BICDL1: variants seen among roughly 807,000 people sequenced by gnomAD.
The protein encoded by BICDL1 is BICD family-like cargo adapter 1.
Under a neutral mutation model 76.8 loss-of-function variants are expected in BICDL1, and 20 were observed. That is an observed-to-expected ratio of 0.26 (90% confidence interval 0.18 to 0.38). BICDL1 has a LOEUF of 0.38. Among genes scored for constraint, BICDL1 ranks in the 10% least tolerant of loss-of-function variants. The pLI, the probability that BICDL1 is intolerant of heterozygous loss-of-function variation, is 1.00. For missense variants in BICDL1, 700 were observed against 798.6 expected (o/e 0.88, Z 1.49); for synonymous variants, 383 against 337.1 (o/e 1.14, Z -1.49).
Position 120,058,054 on chromosome 12 carries a change from C to T in BICDL1, c.646-3656C>T, listed in dbSNP as rs77000344. ...TTCACCGTGTTAGCCAGGATGGTCT[C>T]GATCTCCTGACCTCGCGATCCACCC... is the stretch of plus-strand genomic sequence containing the variant. On this transcript the variant is annotated intron_variant, in intron 2 of 9. Coordinates refer to ENST00000548673, the MANE Select transcript of BICDL1 (RefSeq NM_001367886.1). Among the ~76,000 whole-genome samples, 1,477 of 151,808 alleles carry T rather than the reference C, an allele frequency of 9.7e-3. 22 individuals are homozygous for T. Among genetic ancestry groups the T allele is most frequent in the East Asian group, 0.044 (226 of 5,174 alleles).
chr12:120,065,226 CTG>C (rs1431179640), intron 4 of BICDL1, among the ~76,000 whole-genome samples: 1 of 152,210 alleles, frequency 6.6e-6, no homozygotes, highest in African/African-American at 2.4e-5. Context: ...CAGAGGGAGC[CTG>C]TGACTCTCTA....
chr12:120,027,832 C>A (rs779419457), intron 2 of BICDL1, among the ~76,000 whole-genome samples: 1 of 152,194 alleles, frequency 6.6e-6, no homozygotes, highest in Non-Finnish European at 1.5e-5. Flanking sequence ...AGGCTAACAT[C>A]ACTTAACACC....
At chr12:120,080,695 G>T in intron 7 of BICDL1, 192 bp from the exon 8 acceptor site, 1 of 492,146 alleles carries the variant, frequency 2.0e-6, no homozygotes, top group Non-Finnish European at 3.6e-6. Context: ...CTCAAGCCTA[G>T]CATGTGATGT....
At chr12:120,029,766 TG>T (rs11300409) in intron 2 of BICDL1, among the ~76,000 whole-genome samples, 33,176 of 151,920 alleles carry the variant, frequency 0.22, 3,898 homozygotes, top group East Asian at 0.4. Flanking sequence ...GTAATTATCC[TG>T]CCTCAGCCTC....
At position 120,093,014 on chromosome 12, in the gene BICDL1, G is replaced by A. The variant is rs761865191; in HGVS notation, c.1719G>A (p.Arg573=). 1.3e-6 allele frequency: 2 copies of A among 1,571,974 alleles called. No homozygotes were observed. Among genetic ancestry groups the A allele is most frequent in the Non-Finnish European group, 8.6e-7 (1 of 1,157,022 alleles). ...QLEAWQDDMH[R]VIDRQLMDTH... ...CCCCTCTGCAGGATGACATGCACAG[G>A]GTCATTGACCGGCAGCTGATGGACA... is the stretch of plus-strand genomic sequence containing the variant. The change falls in exon 10 of 10, where the codon AGG becomes AGA. Residue 573 remains arginine, a synonymous_variant. Transcript: ENST00000548673.
intron 2 of BICDL1, among the ~76,000 whole-genome samples, chr12:120,047,499 C>G (rs1191769907): frequency 6.6e-6 from 1 of 152,188 alleles, no homozygotes; most frequent in African/African-American, 2.4e-5. Flanking sequence ...ACCAGATTAT[C>G]TCTGAAGTTT....
intron 2 of BICDL1, among the ~76,000 whole-genome samples, chr12:120,037,093 G>A (rs1480872051): frequency 3.9e-5 from 6 of 152,098 alleles, no homozygotes; most frequent in African/African-American, 7.2e-5. Flanking sequence ...TTTCACTTGG[G>A]TTTCATGTCC....
intron 2 of BICDL1, among the ~76,000 whole-genome samples, chr12:120,029,411 T>A (rs1285086629): frequency 6.6e-6 from 1 of 152,218 alleles, no homozygotes; most frequent in Non-Finnish European, 1.5e-5. Flanking sequence ...ATTTTTAACT[T>A]GGTTGCCATT....
chr12:120,005,766 G>C (rs1313849219), intron 2 of BICDL1, among the ~76,000 whole-genome samples: 1 of 152,108 alleles, frequency 6.6e-6, no homozygotes, highest in Non-Finnish European at 1.5e-5. Context: ...GTTGTATATA[G>C]TATTCCATAT....
chr12:120,023,537 C>T (rs907932269), intron 2 of BICDL1, among the ~76,000 whole-genome samples: 1 of 152,152 alleles, frequency 6.6e-6, no homozygotes, highest in Non-Finnish European at 1.5e-5. Context: ...GCCTGTAATC[C>T]CAGCACTTTG....
rs1403046642 is a variant in BICDL1, at chr12:120,079,287, C to T, written c.1453-1600C>T. 6.6e-6 allele frequency among the ~76,000 whole-genome samples: 1 copy of T among 152,242 alleles called. No individual in the cohort carries two copies. Among genetic ancestry groups the T allele is most frequent in the African/African-American group, 2.4e-5 (1 of 41,448 alleles). ...TGGCTGCTACCCCAGGGGCTGGCAGCTCTGCCGTCTCGTTCTGGAGAATGT... is the reference window on the plus strand; with the variant it reads ...TGGCTGCTACCCCAGGGGCTGGCAGTTCTGCCGTCTCGTTCTGGAGAATGT... On this transcript the variant is annotated intron_variant, in intron 7 of 9. Coordinates refer to ENST00000548673, the MANE Select transcript of BICDL1 (RefSeq NM_001367886.1). The surrounding 1 kb of genome is among the most constrained non-coding windows in gnomAD (Gnocchi z 4.3).
intron 2 of BICDL1, among the ~76,000 whole-genome samples, chr12:120,004,873 G>A (rs1951822254): frequency 1.3e-5 from 2 of 152,158 alleles, no homozygotes; most frequent in African/African-American, 2.4e-5. Context: ...CCAGGCTGGA[G>A]TGCAATGGCA....
intron 2 of BICDL1, among the ~76,000 whole-genome samples, chr12:120,045,573 G>T (rs993918401): frequency 5.5e-4 from 84 of 151,976 alleles, no homozygotes; most frequent in Non-Finnish European, 8.8e-4. Context: ...TATACACCGT[G>T]GAATACTATG....
intron 2 of BICDL1, among the ~76,000 whole-genome samples, chr12:120,060,018 CAA>C (rs1311102421): frequency 1.3e-5 from 2 of 152,206 alleles, no homozygotes; most frequent in Non-Finnish European, 2.9e-5. Flanking sequence ...CAACCCAGCC[CAA>C]AGTTTTTACC....
chr12:120,050,517 T>G (rs187908573), intron 2 of BICDL1, among the ~76,000 whole-genome samples: 2 of 152,338 alleles, frequency 1.3e-5, no homozygotes, highest in East Asian at 3.9e-4. Flanking sequence ...TCCACCTGCC[T>G]CAGCCTCCCA....
intron 2 of BICDL1, among the ~76,000 whole-genome samples, chr12:120,054,166 G>A (rs549366309): frequency 5.3e-5 from 8 of 151,412 alleles, no homozygotes; most frequent in Non-Finnish European, 1.0e-4. Context: ...TCCACCTCCC[G>A]GGTTCAAGCT....
chr12:120,013,279 A>T (rs1309940671), intron 2 of BICDL1, among the ~76,000 whole-genome samples: 1 of 147,070 alleles, frequency 6.8e-6, no homozygotes, highest in Non-Finnish European at 1.5e-5. Context: ...ACACCTCTTC[A>T]CTCCAGCCTG....
intron 2 of BICDL1, among the ~76,000 whole-genome samples, chr12:120,037,784 A>G (rs544548375): frequency 6.6e-6 from 1 of 152,330 alleles, no homozygotes; most frequent in Admixed American, 6.5e-5. Flanking sequence ...TACATAATAC[A>G]TTCCTACTTT....
At chr12:120,082,517 G>A (rs1031667646) in intron 8 of BICDL1, among the ~76,000 whole-genome samples, 2 of 151,964 alleles carry the variant, frequency 1.3e-5, no homozygotes, top group Non-Finnish European at 2.9e-5. Context: ...GTCTCCCAAA[G>A]TCCTGGGATT....
Sources: allele counts gnomAD v4.1 joint callset (sites outside exome capture counted in the v4.1 genomes callset), GRCh38; gene constraint gnomAD v4.1.1; non-coding constraint Gnocchi (gnomAD v3.1); transcripts MANE v1.5; gene names NCBI Gene and HGNC (gene_info 2026-07-23, HGNC 2026-07-21).